Variants in ESR1 observed in about 807,000 individuals in gnomAD.
ESR1 encodes estrogen receptor 1.
A neutral mutation model predicts 52.7 loss-of-function variants in ESR1; 12 were observed. That is an observed-to-expected ratio of 0.23 (90% confidence interval 0.15 to 0.37). ESR1 has a LOEUF of 0.37. ESR1 is among the 10% of genes least tolerant of loss of function. ESR1 has a pLI of 1.00. For missense variants in ESR1, 584 were observed against 779.7 expected (o/e 0.75, Z 2.99); for synonymous variants, 305 against 316.8 (o/e 0.96, Z 0.39).
At chr6:151,960,343 A>T (rs2037508852) in intron 4 of ESR1, among the ~76,000 whole-genome samples, 1 of 152,222 alleles carries the variant, frequency 6.6e-6, no homozygotes, top group Non-Finnish European at 1.5e-5. Context: ...GTTGACAGGA[A>T]CTGTGGACAA....
At chr6:151,886,150 C>CT (rs1202494955) in intron 3 of ESR1, among the ~76,000 whole-genome samples, 3 of 151,276 alleles carry the variant, frequency 2.0e-5, no homozygotes, top group East Asian at 3.9e-4. Context: ...AACACCTAAG[C>CT]TTTTTTTTCT....
chr6:151,758,094 G>T lies in ESR1; in HGVS notation c.-70-49749G>T, dbSNP rs79517296. On this transcript the variant is annotated intron_variant, in intron 2 of 2. Transcript: ENST00000404742. ...GTGCAGGCCATATGAATTCTTTGTA[G>T]TTTCATGGTCTTGCTGTTCAGCATT... Among the ~76,000 whole-genome samples, 418 of 152,330 alleles carry T rather than the reference G, an allele frequency of 2.7e-3. 4 individuals carry two copies. The highest frequency in any genetic ancestry group is 0.017 in the East Asian group (90 of 5,180).
intron 1 of ESR1, among the ~76,000 whole-genome samples, chr6:151,840,484 C>T (rs1162535523): frequency 2.0e-5 from 3 of 152,192 alleles, no homozygotes; most frequent in Non-Finnish European, 4.4e-5. Context: ...TTGGCAAAGT[C>T]AGACGTACTC....
chr6:151,869,317 G>A (rs1158215235), intron 2 of ESR1, among the ~76,000 whole-genome samples: 1 of 152,138 alleles, frequency 6.6e-6, no homozygotes, highest in African/African-American at 2.4e-5. Flanking sequence ...AATGCTGCAT[G>A]GCATTGAAGT....
At chr6:151,729,934 G>T (rs1346422602) in intron 2 of ESR1, among the ~76,000 whole-genome samples, 1 of 151,912 alleles carries the variant, frequency 6.6e-6, no homozygotes, top group Admixed American at 6.5e-5. Context: ...CAGAAAAAAA[G>T]AAAAAAGAAA....
chr6:152,114,953 CTTTTCT>C lies in ESR1; in HGVS notation c.851-10309_851-10304del, dbSNP rs1202552749. On this transcript the variant is annotated intron_variant, in intron 6 of 6. Coordinates refer to the ESR1 transcript ENST00000427531. The stretch of plus-strand genomic sequence containing the variant: ...GTTTCCTCATATAAGAACTGAAGTA[CTTTTCT>C]TTTGTCTTTTAAAATTATCATTATT... 1.5e-4 allele frequency among the ~76,000 whole-genome samples: 21 copies of C among 135,992 alleles called. No homozygotes were observed. The South Asian group carries it at 5.5e-3, about 36-fold the overall frequency. The allele number at this position is 135,992 out of a possible 152,430, so 89.2% of individuals were successfully genotyped here.
chr6:151,708,407 T>A (rs765039890), intron 2 of ESR1, among the ~76,000 whole-genome samples: 2 of 152,146 alleles, frequency 1.3e-5, no homozygotes, highest in African/African-American at 4.8e-5. Context: ...TTCTTAGTAA[T>A]TGGGGGTTTT....
intron 4 of ESR1, among the ~76,000 whole-genome samples, chr6:151,969,017 T>A (rs1437996721): frequency 1.3e-5 from 2 of 152,054 alleles, no homozygotes; most frequent in Non-Finnish European, 2.9e-5. Context: ...GAGCTTCAGT[T>A]TTGAGTGGAG....
chr6:151,871,346 AT>A (rs1312172492), intron 2 of ESR1, among the ~76,000 whole-genome samples: 1 of 152,068 alleles, frequency 6.6e-6, no homozygotes, highest in East Asian at 1.9e-4. Flanking sequence ...GTACATTCAC[AT>A]TTTTGTGCAA....
intron 2 of ESR1, among the ~76,000 whole-genome samples, chr6:151,858,860 A>G (rs1336661712): frequency 1.3e-5 from 2 of 152,326 alleles, no homozygotes; most frequent in East Asian, 3.9e-4. Context: ...ATCATTTACC[A>G]AGAAATAACA....
chr6:151,825,470 T>G (rs908965572), intron 1 of ESR1, among the ~76,000 whole-genome samples: 18 of 152,338 alleles, frequency 1.2e-4, no homozygotes, highest in Non-Finnish European at 1.9e-4. Context: ...GAAAATTCTC[T>G]GAAGGCTTTT....
chr6:152,005,660 C>T (rs1307676247), intron 4 of ESR1, among the ~76,000 whole-genome samples: 1 of 151,938 alleles, frequency 6.6e-6, no homozygotes, highest in African/African-American at 2.4e-5. Flanking sequence ...TTACAGTAAC[C>T]CTAAGTGGTA....
intron 2 of ESR1, among the ~76,000 whole-genome samples, chr6:151,784,254 A>T (rs74526834): frequency 0.02 from 3,004 of 152,110 alleles, 96 homozygotes; most frequent in African/African-American, 0.069. Flanking sequence ...TCTGCATGGG[A>T]GATTTGTCTA....
At chr6:151,948,900 A>G (rs945108371) in intron 4 of ESR1, among the ~76,000 whole-genome samples, 19 of 152,296 alleles carry the variant, frequency 1.2e-4, no homozygotes, top group African/African-American at 4.3e-4. Flanking sequence ...CCTCATCCTC[A>G]TCATTAAAAT....
At chr6:151,958,780 C>G (rs7762893) in intron 4 of ESR1, among the ~76,000 whole-genome samples, 30,974 of 152,108 alleles carry the variant, frequency 0.2, 3,974 homozygotes, top group African/African-American at 0.36. Context: ...AAGTGGTGAA[C>G]AGACATTGAA....
At chr6:151,977,210 T>C (rs2128657971) in intron 4 of ESR1, among the ~76,000 whole-genome samples, 1 of 152,074 alleles carries the variant, frequency 6.6e-6, no homozygotes, top group East Asian at 1.9e-4. Context: ...TTGACTGGCA[T>C]GTAATCCAGC....
chr6:151,970,871 G>C (rs1035194848), intron 4 of ESR1, among the ~76,000 whole-genome samples: 1 of 151,956 alleles, frequency 6.6e-6, no homozygotes, highest in African/African-American at 2.4e-5. Context: ...ATCCCACAAG[G>C]CCAAGCTTAG....
At chr6:151,834,611 A>T (rs942163770) in intron 1 of ESR1, among the ~76,000 whole-genome samples, 1 of 152,136 alleles carries the variant, frequency 6.6e-6, no homozygotes, top group Non-Finnish European at 1.5e-5. Flanking sequence ...TGACGGGCTG[A>T]TGGGTGCAGC....
At chr6:151,973,616 C>G (rs562442354) in intron 4 of ESR1, among the ~76,000 whole-genome samples, 196 of 152,320 alleles carry the variant, frequency 1.3e-3, no homozygotes, top group Non-Finnish European at 2.4e-3. Flanking sequence ...CTGTCTACCC[C>G]TTTTCTGTCC....
Sources: allele counts gnomAD v4.1 joint callset (sites outside exome capture counted in the v4.1 genomes callset), GRCh38; gene constraint gnomAD v4.1.1; transcripts MANE v1.5; gene names NCBI Gene and HGNC (gene_info 2026-07-23, HGNC 2026-07-21).